Variants in ADARB2 observed in about 807,000 individuals in gnomAD.
The protein encoded by ADARB2 is inactive double-stranded RNA-specific editase B2.
Under a neutral mutation model 62.2 loss-of-function variants are expected in ADARB2, and 25 were observed. That is an observed-to-expected ratio of 0.40 (90% CI 0.29 to 0.56). The LOEUF is 0.56. Ranked by LOEUF, ADARB2 falls within the 20% of genes least tolerant of loss-of-function variation. ADARB2 has a pLI of 0.43. For synonymous variants in ADARB2, 572 were observed against 500.8 expected, an observed-to-expected ratio of 1.14 and a Z score of -1.90; for missense variants, 1,071 against 1,077.4, an observed-to-expected ratio of 0.99 and a Z score of 0.08.
chr10:1,375,808 C>T (rs7393381), intron 2 of ADARB2, among the ~76,000 whole-genome samples: 1 of 39,156 alleles, frequency 2.6e-5, no homozygotes. Context: ...ACACACACAC[C>T]ACACACATGC....
intron 1 of ADARB2, among the ~76,000 whole-genome samples, chr10:1,605,264 G>T (rs1324910888): frequency 6.6e-6 from 1 of 152,172 alleles, no homozygotes; most frequent in Non-Finnish European, 1.5e-5. Flanking sequence ...CTTCAGCCTG[G>T]GGTTTACAGG....
intron 1 of ADARB2, among the ~76,000 whole-genome samples, chr10:1,573,446 G>A (rs1384651986): frequency 6.6e-6 from 1 of 152,178 alleles, no homozygotes; most frequent in Non-Finnish European, 1.5e-5. Flanking sequence ...TGGTGAGGCC[G>A]AAGTACACAG....
At chr10:1,320,296 G>T (rs188181844) in intron 3 of ADARB2, among the ~76,000 whole-genome samples, 2 of 152,290 alleles carry the variant, frequency 1.3e-5, no homozygotes, top group East Asian at 1.9e-4. Context: ...GCAAAGTAGG[G>T]CTCCCCAAAA....
chr10:1,466,564 G>T (rs989073040), intron 1 of ADARB2, among the ~76,000 whole-genome samples: 1 of 152,104 alleles, frequency 6.6e-6, no homozygotes, highest in African/African-American at 2.4e-5. Context: ...TGGCTAGGCG[G>T]ACACACAGCA....
chr10:1,531,209 T>C (rs775898407), intron 1 of ADARB2, among the ~76,000 whole-genome samples: 2 of 152,086 alleles, frequency 1.3e-5, no homozygotes, highest in African/African-American at 4.8e-5. Context: ...CACGGAATGA[T>C]CTAGTAAATT....
chr10:1,585,622 G>A (rs892381389), intron 1 of ADARB2, among the ~76,000 whole-genome samples: 1 of 152,198 alleles, frequency 6.6e-6, no homozygotes, highest in Non-Finnish European at 1.5e-5. Flanking sequence ...TCGGTGAAAA[G>A]CTACCTATGA....
intron 1 of ADARB2, among the ~76,000 whole-genome samples, chr10:1,420,611 G>A (rs1258694267): frequency 5.0e-5 from 6 of 121,118 alleles, no homozygotes; most frequent in Admixed American, 8.4e-5. Context: ...CCAGAAAGAG[G>A]GAAAAAAAAA....
At chr10:1,207,073 G>A (rs1474163688) in intron 7 of ADARB2, among the ~76,000 whole-genome samples, 3 of 152,206 alleles carry the variant, frequency 2.0e-5, no homozygotes, top group Non-Finnish European at 4.4e-5. Flanking sequence ...AAGGCCGGGC[G>A]CGGTGGCTCA....
chr10:1,216,948 C>T lies in ADARB2; in HGVS notation c.1682+3G>A. 6.2e-7 allele frequency: 1 copy of T among 1,605,430 alleles called. No homozygotes were observed. Among genetic ancestry groups the T allele is most frequent in the South Asian group, 1.1e-5 (1 of 90,702 alleles). ...ATCCTCGAGAGGAAGCCGTGGGCCT[C>T]ACCTGGCGATCTTGTCCGTGCAGGA... On this transcript the variant is annotated splice_donor_region_variant and intron_variant, in intron 7 of 9. Coordinates refer to ENST00000381312, the MANE Select transcript of ADARB2 (RefSeq NM_018702.4).
At chr10:1,508,537 C>T (rs1041632499) in intron 1 of ADARB2, among the ~76,000 whole-genome samples, 2 of 152,130 alleles carry the variant, frequency 1.3e-5, no homozygotes, top group African/African-American at 2.4e-5. Flanking sequence ...CCCAGCACTT[C>T]GGGAGACCAA....
chr10:1,481,685 C>T (rs978283963), intron 1 of ADARB2, among the ~76,000 whole-genome samples: 1 of 151,912 alleles, frequency 6.6e-6, no homozygotes, highest in Non-Finnish European at 1.5e-5. Flanking sequence ...GGTGAAACCC[C>T]ATCTCTACTA....
intron 3 of ADARB2, among the ~76,000 whole-genome samples, chr10:1,356,833 T>A (rs1588230184): frequency 6.6e-6 from 1 of 152,210 alleles, no homozygotes; most frequent in African/African-American, 2.4e-5. Context: ...AATCCTGATT[T>A]TTCTCCTTAA....
intron 1 of ADARB2, among the ~76,000 whole-genome samples, chr10:1,591,832 G>T (rs1456119185): frequency 6.6e-6 from 1 of 152,166 alleles, no homozygotes; most frequent in African/African-American, 2.4e-5. Flanking sequence ...CTATTATTCA[G>T]CAATCTCTGT....
In ADARB2 at chr10:1,460,655, T is replaced by C. The variant is rs867591805; in HGVS notation, c.101-81495A>G. 1.4e-4 allele frequency among the ~76,000 whole-genome samples: 15 copies of C among 110,080 alleles called. 1 individual carries two copies. The highest frequency in any genetic ancestry group is 5.4e-4 in the East Asian group (2 of 3,700). 72.2% of individuals were successfully genotyped at this position (110,080 alleles called of 152,430 possible). On this transcript the variant is annotated intron_variant, in intron 1 of 9. Transcript: ENST00000381312. ...CCTGCCTGTGACCTGAGTTTACCTG[T>C]GTAACGAACCTGCCTGTGACCTGAG... is the stretch of plus-strand genomic sequence containing the variant.
intron 7 of ADARB2, chr10:1,216,272 CA>C (rs199879602): frequency 0.023 from 3,134 of 136,724 alleles, 47 homozygotes; most frequent in Non-Finnish European, 0.034. Flanking sequence ...GGCATCAGGC[CA>C]AGGTAGGGGG....
intron 3 of ADARB2, among the ~76,000 whole-genome samples, chr10:1,286,494 C>T (rs954130765): frequency 2.6e-5 from 4 of 152,182 alleles, no homozygotes; most frequent in African/African-American, 9.7e-5. Flanking sequence ...TATTCTAAAT[C>T]TCAAATTACC....
At chr10:1,340,306 C>T (rs1479418357) in intron 3 of ADARB2, among the ~76,000 whole-genome samples, 20 of 130,102 alleles carry the variant, frequency 1.5e-4, no homozygotes, top group South Asian at 5.2e-4. Flanking sequence ...CACCCCACAG[C>T]GGCAATAACC....
At chr10:1,675,838 G>C (rs768617510) in intron 1 of ADARB2, among the ~76,000 whole-genome samples, 23 of 152,126 alleles carry the variant, frequency 1.5e-4, no homozygotes, top group Non-Finnish European at 2.9e-4. Flanking sequence ...AAGGGAAGCC[G>C]TGTCTCTGAT....
intron 1 of ADARB2, among the ~76,000 whole-genome samples, chr10:1,550,892 A>T (rs7095474): frequency 0.58 from 87,981 of 151,806 alleles, 25,770 homozygotes; most frequent in East Asian, 0.76. Flanking sequence ...CGCAACAGGA[A>T]GAATGGTGTG....
Sources: gnomAD v4.1 joint callset for allele counts (sites outside exome capture counted in the v4.1 genomes callset) on GRCh38, gnomAD v4.1.1 for gene constraint, MANE v1.5 for transcripts, NCBI Gene and HGNC (gene_info 2026-07-23, HGNC 2026-07-21) for gene names.